ADGB: variants seen among roughly 807,000 people sequenced by gnomAD.
ADGB encodes androglobin.
ADGB carries 172 observed loss-of-function variants against 210.5 expected under a neutral mutation model. The observed-to-expected ratio is 0.82, with a 90% CI of 0.72 to 0.93. The LOEUF (loss-of-function observed/expected upper bound fraction) is 0.93, where lower values mean the gene tolerates loss of function less well. Among genes scored for constraint, ADGB ranks in the 40% least tolerant of loss-of-function variants. ADGB has a pLI of 0.00. For missense variants in ADGB, 2,025 were observed against 1,964.8 expected, an observed-to-expected ratio of 1.03 and a Z score of -0.58; for synonymous variants, 658 against 662.7, an observed-to-expected ratio of 0.99 and a Z score of 0.11.
intron 13 of ADGB, among the ~76,000 whole-genome samples, chr6:146,706,847 T>TTTG (rs1385481122): frequency 2.0e-5 from 2 of 97,720 alleles, no homozygotes; most frequent in Non-Finnish European, 5.8e-5. Flanking sequence ...AGCTTAGTGT[T>TTTG]TTTTTTTTTT....
Position 146,692,260 on chromosome 6 carries a change from G to A in ADGB, c.1487-565G>A, listed in dbSNP as rs201432245. ...TAATTTCATTGTTCACCATGGTAATGCAAGTGCTGTGTCCTTTATTCATTG... is the reference window on the plus strand; with the variant it reads ...TAATTTCATTGTTCACCATGGTAATACAAGTGCTGTGTCCTTTATTCATTG... On this transcript the variant is annotated intron_variant, in intron 11 of 35. Transcript: ENST00000397944. 5.3e-5 allele frequency among the ~76,000 whole-genome samples: 8 copies of A among 152,096 alleles called. No individual in the cohort carries two copies. In the East Asian group the frequency reaches 1.2e-3, roughly 22 times the overall value.
intron 1 of ADGB, among the ~76,000 whole-genome samples, chr6:146,607,512 A>G (rs551682673): frequency 1.3e-5 from 2 of 152,268 alleles, no homozygotes; most frequent in South Asian, 4.1e-4. Context: ...CCCATTCAGT[A>G]TAACGCTGGC....
At chr6:146,660,084 A>G (rs1775834540) in intron 5 of ADGB, among the ~76,000 whole-genome samples, 1 of 152,088 alleles carries the variant, frequency 6.6e-6, no homozygotes, top group Non-Finnish European at 1.5e-5. Context: ...ACCCCCCAAC[A>G]TCAAACTGGC....
At chr6:146,724,577 A>G (rs757734005) in intron 18 of ADGB, 62 of 272,342 alleles carry the variant, frequency 2.3e-4, no homozygotes, top group Non-Finnish European at 3.6e-4. Flanking sequence ...TTAGTCAACA[A>G]TACTGCTTGA....
chr6:146,698,181 T>G (rs1055515830), intron 12 of ADGB, among the ~76,000 whole-genome samples: 2 of 152,236 alleles, frequency 1.3e-5, no homozygotes, highest in African/African-American at 4.8e-5. Flanking sequence ...GTGATATGAC[T>G]GTGTTTACTT....
At position 146,598,988 on chromosome 6, in the gene ADGB, G is replaced by C; in HGVS notation, c.-53G>C. On this transcript the variant is annotated 5_prime_UTR_variant, in exon 1 of 36. Coordinates refer to ENST00000397944, the MANE Select transcript of ADGB (RefSeq NM_024694.4). ...TGGCAACGCAGACGCGGAGCCGAGC[G>C]CGCCCGCAGGCTCTTTGCTCAGAGC... is the stretch of plus-strand genomic sequence containing the variant. 1 of 1,491,696 alleles carries C rather than the reference G, an allele frequency of 6.7e-7. No homozygotes were observed. Among genetic ancestry groups the C allele is most frequent in the Non-Finnish European group, 9.1e-7 (1 of 1,093,790 alleles). 92.4% of individuals were successfully genotyped at this position (1,491,696 alleles called of 1,614,324 possible). A position where few individuals can be genotyped will look rare whatever the true frequency, so the allele number is the denominator to read the frequency against.
intron 3 of ADGB, among the ~76,000 whole-genome samples, chr6:146,650,412 G>T (rs1310711756): frequency 2.0e-5 from 3 of 151,860 alleles, no homozygotes; most frequent in Admixed American, 6.6e-5. Flanking sequence ...CTCTATAGTT[G>T]CAGGTTAAGT....
At chr6:146,667,770 A>G (rs940869948) in intron 7 of ADGB, among the ~76,000 whole-genome samples, 8 of 152,094 alleles carry the variant, frequency 5.3e-5, no homozygotes, top group African/African-American at 1.9e-4. Context: ...TCATAAGAAG[A>G]CAACTATTAT....
At position 146,746,061 on chromosome 6, in the gene ADGB, A is replaced by G; in HGVS notation, c.3317A>G (p.Lys1106Arg). Residue 1106 changes from lysine (K) to arginine (R), a missense_variant, in exon 26 of 36, where the codon AAG (lysine) becomes AGG (arginine). Coordinates refer to ENST00000397944, the MANE Select transcript of ADGB (RefSeq NM_024694.4). The stretch of plus-strand genomic sequence containing the variant: ...TCTCCATGCAATTCCTTTGCCATAA[A>G]GGAAATCCGAGATTACTACATACCC... ...RDSPCNSFAI[K>R]EIRDYYIPND... 2 of 1,550,916 alleles carry G rather than the reference A, an allele frequency of 1.3e-6. No homozygotes were observed. Among genetic ancestry groups the G allele is most frequent in the Non-Finnish European group, 1.7e-6 (2 of 1,146,446 alleles).
At position 146,740,607 on chromosome 6, in the gene ADGB, A is replaced by G. The variant is rs1293544232; in HGVS notation, c.3023+14A>G. Reference sequence around the variant, plus strand: ...TATAGTATTCAGGTGAGGTTGTTATATAGTGACAAATATGTCTCTAAATGG... The same window carrying G: ...TATAGTATTCAGGTGAGGTTGTTATGTAGTGACAAATATGTCTCTAAATGG... On this transcript the variant is annotated intron_variant, in intron 24 of 35. Coordinates refer to ENST00000397944, the MANE Select transcript of ADGB (RefSeq NM_024694.4). The G allele has an allele frequency of 2.6e-6, 4 of 1,547,562 alleles. No individual in the cohort carries two copies. Among genetic ancestry groups the G allele is most frequent in the Non-Finnish European group, 3.5e-6 (4 of 1,145,408 alleles).
chr6:146,650,636 C>CAAAAAAAAA (rs1775687786), intron 3 of ADGB, among the ~76,000 whole-genome samples: 1 of 66,780 alleles, frequency 1.5e-5, no homozygotes, highest in African/African-American at 7.0e-5. Flanking sequence ...AAAAAAAAAT[C>CAAAAAAAAA]AGGGGCCAGG....
intron 2 of ADGB, among the ~76,000 whole-genome samples, chr6:146,638,021 T>C (rs1775449825): frequency 6.6e-6 from 1 of 151,822 alleles, no homozygotes; most frequent in African/African-American, 2.4e-5. Flanking sequence ...CAGCAGCACA[T>C]CAAAAAGCTA....
At chr6:146,799,058 C>CAAAAAA (rs71552962) in intron 33 of ADGB, among the ~76,000 whole-genome samples, 23 of 63,484 alleles carry the variant, frequency 3.6e-4, no homozygotes, top group Non-Finnish European at 4.2e-4. Flanking sequence ...TATGGAAATG[C>CAAAAAA]AAAAAAAAAA....
At chr6:146,785,034 C>T (rs530288902) in intron 31 of ADGB, among the ~76,000 whole-genome samples, 6 of 152,226 alleles carry the variant, frequency 3.9e-5, no homozygotes, top group African/African-American at 1.4e-4. Flanking sequence ...AATTATAGGC[C>T]CACACTATGG....
intron 11 of ADGB, among the ~76,000 whole-genome samples, 171 bp downstream of exon 11, chr6:146,691,461 A>AATAT (rs1238719711): frequency 5.5e-4 from 10 of 18,232 alleles, no homozygotes; most frequent in African/African-American, 4.7e-3. Context: ...TATATATAAA[A>AATAT]ATATATATAT....
chr6:146,767,364 C>G (rs74472140), intron 28 of ADGB, among the ~76,000 whole-genome samples: 1,742 of 152,274 alleles, frequency 0.011, 24 homozygotes, highest in African/African-American at 0.04. Context: ...GAGATTTTGG[C>G]AAGATTGCCA....
chr6:146,670,596 A>G (rs2114900818), intron 7 of ADGB, among the ~76,000 whole-genome samples: 1 of 152,196 alleles, frequency 6.6e-6, no homozygotes. Context: ...TCCTTCCCCA[A>G]GTTATGCCAC....
chr6:146,803,022 CT>C, intron 35 of ADGB: 1 of 1,603,628 alleles, frequency 6.2e-7, no homozygotes, highest in African/African-American at 1.3e-5. Context: ...TTCAAATTTG[CT>C]TTTAAGTAGT....
At chr6:146,687,910 A>C (rs1458482421) in intron 10 of ADGB, among the ~76,000 whole-genome samples, 1 of 152,136 alleles carries the variant, frequency 6.6e-6, no homozygotes, top group Non-Finnish European at 1.5e-5. Flanking sequence ...AATGGGGTAC[A>C]AAATAATCCT....
Sources: allele counts gnomAD v4.1 joint callset (sites outside exome capture counted in the v4.1 genomes callset), GRCh38; gene constraint gnomAD v4.1.1; transcripts MANE v1.5; gene names NCBI Gene and HGNC (gene_info 2026-07-23, HGNC 2026-07-21).